Variants in KCNN2 observed in about 807,000 individuals in gnomAD.
KCNN2 encodes the protein small conductance calcium-activated potassium channel protein 2.
Under a neutral mutation model 55.5 loss-of-function variants are expected in KCNN2, and 24 were observed. That is an observed-to-expected ratio of 0.43 (90% CI 0.31 to 0.61). KCNN2 has a LOEUF of 0.61. KCNN2 is among the 20% of genes least tolerant of loss of function. KCNN2 has a pLI of 0.08. For missense variants in KCNN2, 754 were observed against 853.6 expected (o/e 0.88, Z 1.45); for synonymous variants, 431 against 336.1 (o/e 1.28, Z -3.09).
At chr5:114,458,637 A>C (rs1761044215) in intron 3 of KCNN2, among the ~76,000 whole-genome samples, 1 of 152,174 alleles carries the variant, frequency 6.6e-6, no homozygotes, top group African/African-American at 2.4e-5. Flanking sequence ...TATAATTTCG[A>C]TTCTAAGGGT....
chr5:114,429,642 T>C (rs1307079101), intron 3 of KCNN2, among the ~76,000 whole-genome samples: 1 of 152,040 alleles, frequency 6.6e-6, no homozygotes, highest in Non-Finnish European at 1.5e-5. Flanking sequence ...CCGTGGATTG[T>C]GCCTTTGGAG....
At chr5:114,109,699 A>T (rs1294812048) in intron 1 of KCNN2, among the ~76,000 whole-genome samples, 2 of 152,086 alleles carry the variant, frequency 1.3e-5, no homozygotes, top group Admixed American at 1.3e-4. Context: ...CAGTGCAACA[A>T]GAGGTTCCAA....
At chr5:114,320,608 T>C (rs1315099686) in intron 2 of KCNN2, among the ~76,000 whole-genome samples, 1 of 149,762 alleles carries the variant, frequency 6.7e-6, no homozygotes, top group Non-Finnish European at 1.5e-5. Flanking sequence ...AGCGAGACTC[T>C]GTCTCAAAAA....
At chr5:114,185,648 T>G (rs1170297386) in intron 1 of KCNN2, among the ~76,000 whole-genome samples, 1 of 152,198 alleles carries the variant, frequency 6.6e-6, no homozygotes, top group Non-Finnish European at 1.5e-5. Flanking sequence ...TAAATTTCCA[T>G]GGCCGTGGGA....
intron 3 of KCNN2, among the ~76,000 whole-genome samples, chr5:114,423,453 T>C (rs1580817041): frequency 6.6e-6 from 1 of 152,198 alleles, no homozygotes; most frequent in African/African-American, 2.4e-5. Context: ...ATAAGTTGCA[T>C]TGCAATCAGT....
chr5:114,136,047 A>G (rs1752167574), intron 1 of KCNN2, among the ~76,000 whole-genome samples: 1 of 152,196 alleles, frequency 6.6e-6, no homozygotes, highest in African/African-American at 2.4e-5. Context: ...TAAAGAATTG[A>G]GTTACCAGAT....
chr5:114,216,384 A>C (rs1223969762), intron 1 of KCNN2, among the ~76,000 whole-genome samples: 1 of 152,126 alleles, frequency 6.6e-6, no homozygotes, highest in Non-Finnish European at 1.5e-5. Context: ...CTTTGGGAAA[A>C]TGTAGGTTGG....
chr5:114,137,476 T>G (rs1025494728), intron 1 of KCNN2, among the ~76,000 whole-genome samples: 1 of 152,130 alleles, frequency 6.6e-6, no homozygotes, highest in Non-Finnish European at 1.5e-5. Context: ...TGTGTTCACT[T>G]GAAATAATCA....
At chr5:114,238,333 A>G (rs1171996692) in intron 2 of KCNN2, among the ~76,000 whole-genome samples, 28 of 152,146 alleles carry the variant, frequency 1.8e-4, no homozygotes, top group Admixed American at 1.8e-3. Context: ...AAATTACAAA[A>G]ATTGGATTAT....
At chr5:114,126,542 G>A (rs1382194493) in intron 1 of KCNN2, among the ~76,000 whole-genome samples, 3 of 152,016 alleles carry the variant, frequency 2.0e-5, no homozygotes, top group South Asian at 2.1e-4. Context: ...TATCTCCACC[G>A]TGTCCCTCCC....
chr5:114,492,546 T>A lies in KCNN2; in HGVS notation c.2019-857T>A, dbSNP rs553650052. On this transcript the variant is annotated intron_variant, in intron 6 of 7. Transcript: ENST00000673685. ...ATAGTAAACACTGAATAAATATTTG[T>A]TGAAAAATAATATAGTAAATAAAGT... Among the ~76,000 whole-genome samples, 8 of 152,256 alleles carry A rather than the reference T, an allele frequency of 5.3e-5. No homozygotes were observed. The Middle Eastern group carries it at 0.01, about 194-fold the overall frequency.
chr5:114,383,178 G>T (rs962748837), intron 2 of KCNN2, among the ~76,000 whole-genome samples: 4 of 152,022 alleles, frequency 2.6e-5, no homozygotes, highest in African/African-American at 9.7e-5. Flanking sequence ...TACCTGAAGG[G>T]TTTGCATAAG....
In KCNN2 at chr5:114,214,049, A is replaced by G. The variant is rs568667898; in HGVS notation, c.-270-7431A>G. 1.8e-4 allele frequency among the ~76,000 whole-genome samples: 27 copies of G among 152,162 alleles called. 1 individual carries two copies. The highest frequency in any genetic ancestry group is 2.6e-4 in the Admixed American group (4 of 15,270). On this transcript the variant is annotated intron_variant, in intron 1 of 10. Transcript: ENST00000512097. ...TCCTAGGAGACAGGTTCTAGCCCCAATTTATAGATGAGAAAGCTTAGAGAA... is the reference window on the plus strand; with the variant it reads ...TCCTAGGAGACAGGTTCTAGCCCCAGTTTATAGATGAGAAAGCTTAGAGAA...
At position 114,313,327 on chromosome 5, in the gene KCNN2, T is replaced by G. The variant is rs1007055423; in HGVS notation, c.-184-47618T>G. ...CCCCCCTCCACACAACAGTTAACTA[T>G]AGCTGAAAATTTTAATTGAACTCTT... On this transcript the variant is annotated intron_variant, in intron 2 of 10. Transcript: ENST00000512097. 2.6e-5 allele frequency among the ~76,000 whole-genome samples: 4 copies of G among 152,144 alleles called. 1 individual carries two copies. The highest frequency in any genetic ancestry group is 5.9e-5 in the Non-Finnish European group (4 of 68,018).
intron 1 of KCNN2, among the ~76,000 whole-genome samples, chr5:114,194,090 T>C (rs1364852288): frequency 6.6e-6 from 1 of 152,112 alleles, no homozygotes; most frequent in Non-Finnish European, 1.5e-5. Context: ...ACTTAGGTTT[T>C]TTCTACTTTT....
intron 2 of KCNN2, among the ~76,000 whole-genome samples, chr5:114,342,021 C>T (rs1757025611): frequency 6.6e-6 from 1 of 151,878 alleles, no homozygotes; most frequent in Non-Finnish European, 1.5e-5. Flanking sequence ...CCTGCCTCAG[C>T]CTCCCAAGTA....
At chr5:114,097,520 A>C (rs1751283614) in intron 1 of KCNN2, among the ~76,000 whole-genome samples, 1 of 152,144 alleles carries the variant, frequency 6.6e-6, no homozygotes, top group Non-Finnish European at 1.5e-5. Flanking sequence ...CATTCACTAT[A>C]GCTTGTTCCC....
chr5:114,447,268 G>A (rs1166436667), intron 3 of KCNN2, among the ~76,000 whole-genome samples: 2 of 152,174 alleles, frequency 1.3e-5, no homozygotes, highest in Admixed American at 6.5e-5. Context: ...GAGAAAGCTG[G>A]TTTTGATCCT....
intron 5 of KCNN2, among the ~76,000 whole-genome samples, chr5:114,474,298 T>C (rs76434066): frequency 1.3e-5 from 2 of 152,320 alleles, no homozygotes; most frequent in East Asian, 3.9e-4. Context: ...TGCCTGCTCA[T>C]GCTAAGTCTT....
Sources: gnomAD v4.1 joint callset for allele counts (sites outside exome capture counted in the v4.1 genomes callset) on GRCh38, gnomAD v4.1.1 for gene constraint, MANE v1.5 for transcripts, NCBI Gene and HGNC (gene_info 2026-07-23, HGNC 2026-07-21) for gene names.